The following PHACTR2 variants were observed in gnomAD, a reference collection of about 807,000 sequenced individuals.
The protein encoded by PHACTR2 is phosphatase and actin regulator 2, also known as chromosome 6 open reading frame 56.
PHACTR2 carries 30 observed loss-of-function variants against 76.0 expected under a neutral mutation model. The ratio of observed to expected loss-of-function variants is 0.39; its 90% CI spans 0.30 to 0.54. The LOEUF (loss-of-function observed/expected upper bound fraction) is 0.54, where lower values mean the gene tolerates loss of function less well. PHACTR2 is among the 20% of genes least tolerant of loss of function. PHACTR2 has a pLI of 0.61. For missense variants in PHACTR2, 696 were observed against 781.1 expected, an observed-to-expected ratio of 0.89 and a Z score of 1.30; for synonymous variants, 292 against 292.5, an observed-to-expected ratio of 1.00 and a Z score of 0.02.
chr6:143,646,867 G>T lies in PHACTR2; in HGVS notation c.13+38545G>T, dbSNP rs897722333. On this transcript the variant is annotated intron_variant, in intron 1 of 11. Coordinates refer to the PHACTR2 transcript ENST00000305766. This position sits in a 1 kb window ranked among gnomAD's most constrained non-coding sequence, Gnocchi z 4.1. ...GCTTAGTGTCTGAATAGCAGAGAACGTTTTCTCATCCTTAGTTATGTTTGT... is the reference window on the plus strand; with the variant it reads ...GCTTAGTGTCTGAATAGCAGAGAACTTTTTCTCATCCTTAGTTATGTTTGT... Among the ~76,000 whole-genome samples, 7 of 152,160 alleles carry T rather than the reference G, an allele frequency of 4.6e-5. No homozygotes were observed. In the South Asian group the frequency reaches 1.4e-3, roughly 32 times the overall value.
At chr6:143,575,074 C>CA (rs1248331021) in intron 1 of PHACTR2, among the ~76,000 whole-genome samples, 8 of 152,146 alleles carry the variant, frequency 5.3e-5, no homozygotes, top group Admixed American at 5.2e-4. Flanking sequence ...AGATGATAAA[C>CA]AAAAAATAGG....
At position 143,700,590 on chromosome 6, in the gene PHACTR2, G is replaced by A. The variant is rs1777886593; in HGVS notation, c.47-11426G>A. ...GGGGAGGGGGGGCGAGAGGAGAACT[G>A]TGATATTTCAGTATATTTTATTTCA... On this transcript the variant is annotated intron_variant, in intron 1 of 12. Coordinates refer to ENST00000440869, the MANE Select transcript of PHACTR2 (RefSeq NM_001100164.2). This position sits in a 1 kb window ranked among gnomAD's most constrained non-coding sequence, Gnocchi z 4.1. 6.6e-6 allele frequency among the ~76,000 whole-genome samples: 1 copy of A among 152,178 alleles called. No homozygotes were observed. The highest frequency in any genetic ancestry group is 2.4e-5 in the African/African-American group (1 of 41,440).
At chr6:143,559,690 C>CT (rs5880566) in intron 1 of PHACTR2, among the ~76,000 whole-genome samples, 12 of 31,900 alleles carry the variant, frequency 3.8e-4, no homozygotes, top group South Asian at 1.7e-3. Context: ...TTTTTCTTTT[C>CT]TTTTTTTTTT....
intron 1 of PHACTR2, among the ~76,000 whole-genome samples, chr6:143,666,909 T>C (rs929210064): frequency 6.6e-6 from 1 of 152,240 alleles, no homozygotes; most frequent in African/African-American, 2.4e-5. Context: ...ATTTTGGCTT[T>C]TGTTGCCATT....
At position 143,652,390 on chromosome 6, in the gene PHACTR2, CTGTT is replaced by C. The variant is rs112494577; in HGVS notation, c.13+44094_13+44097del. Among the ~76,000 whole-genome samples the C allele has an allele frequency of 4.1e-4, 62 of 151,994 alleles. 1 individual carries two copies. The highest frequency in any genetic ancestry group is 4.9e-4 in the Non-Finnish European group (33 of 68,008). On this transcript the variant is annotated intron_variant, in intron 1 of 11. Coordinates refer to the PHACTR2 transcript ENST00000305766. The surrounding 1 kb of genome is among the most constrained non-coding windows in gnomAD (Gnocchi z 4.5). ...CAGCTAGACAAAGGTACCTGCGCTGCTGTTTGTTTGTTTGTTTGTTTGTTTGTTT... is the reference window on the plus strand; with the variant it reads ...CAGCTAGACAAAGGTACCTGCGCTGCTGTTTGTTTGTTTGTTTGTTTGTTT...
chr6:143,778,475 T>C (rs939844114), intron 9 of PHACTR2, among the ~76,000 whole-genome samples: 3 of 145,976 alleles, frequency 2.1e-5, no homozygotes, highest in Non-Finnish European at 3.0e-5. Flanking sequence ...TTTTCTGGCT[T>C]TTTTTTTTTT....
rs1407480174 is a variant in PHACTR2 at position 143,591,846 on chromosome 6, G to T, written c.217+54639G>T. Among the ~76,000 whole-genome samples the T allele has an allele frequency of 1.3e-5, 2 of 152,160 alleles. No individual in the cohort carries two copies. The highest frequency in any genetic ancestry group is 4.8e-5 in the African/African-American group (2 of 41,434). On this transcript the variant is annotated intron_variant, in intron 1 of 11. Coordinates refer to the PHACTR2 transcript ENST00000367584. This position sits in a 1 kb window ranked among gnomAD's most constrained non-coding sequence, Gnocchi z 6.4. ...CTATGCCATGTTTTGGTTACTTTGG[G>T]CCCTAGAATTCCTGGCTCAAACAGG...
At chr6:143,560,586 G>T (rs1056306332) in intron 1 of PHACTR2, among the ~76,000 whole-genome samples, 18 of 152,306 alleles carry the variant, frequency 1.2e-4, no homozygotes, top group East Asian at 3.9e-4. Flanking sequence ...GCTTATTTTG[G>T]TGTAAACAGA....
chr6:143,830,744 T>C lies in PHACTR2; in HGVS notation c.*7055T>C, dbSNP rs2128489514. 1 of 152,350 alleles carries C rather than the reference T, an allele frequency of 6.6e-6. No homozygotes were observed. The highest frequency in any genetic ancestry group is 1.9e-4 in the East Asian group (1 of 5,196). 9.4% of individuals were successfully genotyped at this position (152,350 alleles called of 1,614,324 possible). On this transcript the variant is annotated 3_prime_UTR_variant, in exon 13 of 13. Coordinates refer to ENST00000440869, the MANE Select transcript of PHACTR2 (RefSeq NM_001100164.2). ...GCACAATTCCAAGTGCCTTAGAACA[T>C]TGTTTAGCTTTCCTAAGTATATATA...
At chr6:143,813,900 G>C (rs936136655) in intron 12 of PHACTR2, among the ~76,000 whole-genome samples, 1 of 152,094 alleles carries the variant, frequency 6.6e-6, no homozygotes, top group Non-Finnish European at 1.5e-5. Context: ...AAAAATACAC[G>C]TATAACTTTT....
In PHACTR2 at chr6:143,627,564, G is replaced by A. The variant is rs1776281261; in HGVS notation, c.13+19242G>A. Among the ~76,000 whole-genome samples, 2 of 151,080 alleles carry A rather than the reference G, an allele frequency of 1.3e-5. No individual in the cohort carries two copies. Among genetic ancestry groups the A allele is most frequent in the Non-Finnish European group, 2.9e-5 (2 of 67,886 alleles). On this transcript the variant is annotated intron_variant, in intron 1 of 11. Coordinates refer to the PHACTR2 transcript ENST00000305766. The surrounding 1 kb of genome is among the most constrained non-coding windows in gnomAD (Gnocchi z 4.3). ...TAACTATTTTGAAGTGTCCAATTCA[G>A]TGGCATTCAGTACATTCACAATGTT...
Position 143,581,551 on chromosome 6 carries a change from C to T in PHACTR2, c.217+44344C>T, listed in dbSNP as rs1043735437. Among the ~76,000 whole-genome samples the T allele has an allele frequency of 1.3e-5, 2 of 152,108 alleles. No homozygotes were observed. The highest frequency in any genetic ancestry group is 2.1e-4 in the South Asian group (1 of 4,812). ...TTTTCCACTGAAACAGGAGGAATGG[C>T]GGGAAGGATGAATGGATATGTGTAT... is the stretch of plus-strand genomic sequence containing the variant. On this transcript the variant is annotated intron_variant, in intron 1 of 11. Transcript: ENST00000367584. The surrounding 1 kb of genome is among the most constrained non-coding windows in gnomAD (Gnocchi z 4.5).
rs1037472016 is a variant in PHACTR2, at chr6:143,750,437, A to G, written c.295+1372A>G. ...AATAGAGAAATAATATACCCATTGAAAGCTTAACACTGGGCCATCAGCTTT... is the reference window on the plus strand; with the variant it reads ...AATAGAGAAATAATATACCCATTGAGAGCTTAACACTGGGCCATCAGCTTT... On this transcript the variant is annotated intron_variant, in intron 3 of 12. Coordinates refer to ENST00000440869, the MANE Select transcript of PHACTR2 (RefSeq NM_001100164.2). The surrounding 1 kb of genome is among the most constrained non-coding windows in gnomAD (Gnocchi z 4.6). 6.6e-6 allele frequency among the ~76,000 whole-genome samples: 1 copy of G among 152,190 alleles called. No homozygotes were observed. The highest frequency in any genetic ancestry group is 2.4e-5 in the African/African-American group (1 of 41,458).
rs754968655 is a variant in PHACTR2, at chr6:143,765,309, C to T, written c.743C>T (p.Ser248Leu). ...KKTTGSKASA[S>L]PSTSSTSSRP... ...ACAACTGGCTCTAAAGCATCAGCTT[C>T]GCCATCCACTTCATCCACCTCATCT... The change falls in exon 6 of 13, where the codon TCG (serine) becomes TTG (leucine). Residue 248 changes from serine (S) to leucine (L), a missense_variant. Physicochemically the swap from Ser to Leu is moderately radical, Grantham distance 145. Transcript: ENST00000440869. This position sits in a 1 kb window ranked among gnomAD's most constrained non-coding sequence, Gnocchi z 4.1. 1.3e-5 allele frequency: 21 copies of T among 1,614,032 alleles called. No homozygotes were observed. The highest frequency in any genetic ancestry group is 6.7e-5 in the East Asian group (3 of 44,894).
chr6:143,669,697 C>T (rs1316763534), intron 1 of PHACTR2, among the ~76,000 whole-genome samples: 1 of 143,802 alleles, frequency 7.0e-6, no homozygotes, highest in Non-Finnish European at 1.6e-5. Context: ...ATTGCAACCC[C>T]TGCTTTTTTT....
At chr6:143,638,238 C>T (rs1213807251) in intron 1 of PHACTR2, among the ~76,000 whole-genome samples, 1 of 152,092 alleles carries the variant, frequency 6.6e-6, no homozygotes, top group African/African-American at 2.4e-5. Context: ...ATCGCTATGG[C>T]TTAAAAAGAA....
upstream of PHACTR2, chr6:143,608,164 G>C (rs767537084): frequency 4.0e-6 from 3 of 753,582 alleles, no homozygotes; most frequent in Admixed American, 2.1e-5. This position sits in a 1 kb window ranked among gnomAD's most constrained non-coding sequence, Gnocchi z 4.6. Flanking sequence ...ATTTCCTGGC[G>C]GTGTCTCCTG....
At chr6:143,790,883 T>C (rs912110295) in intron 11 of PHACTR2, among the ~76,000 whole-genome samples, 2 of 152,194 alleles carry the variant, frequency 1.3e-5, no homozygotes, top group Admixed American at 6.5e-5. Context: ...TTCACCGTGT[T>C]AGCCAGGATG....
Position 143,709,349 on chromosome 6 carries a change from C to T in PHACTR2, c.47-2667C>T, listed in dbSNP as rs750688443. On this transcript the variant is annotated intron_variant, in intron 1 of 12. Transcript: ENST00000440869. The surrounding 1 kb of genome is among the most constrained non-coding windows in gnomAD (Gnocchi z 4.4). ...GTACCTGAAATTAGAGTAGACTTCA[C>T]TAGTGGAAGGAATAGGATTTATTCC... 2.0e-5 allele frequency among the ~76,000 whole-genome samples: 3 copies of T among 152,148 alleles called. No homozygotes were observed. Among genetic ancestry groups the T allele is most frequent in the African/African-American group, 4.8e-5 (2 of 41,440 alleles).
Sources: allele counts gnomAD v4.1 joint callset (sites outside exome capture counted in the v4.1 genomes callset), GRCh38; gene constraint gnomAD v4.1.1; non-coding constraint Gnocchi (gnomAD v3.1); transcripts MANE v1.5; gene names NCBI Gene and HGNC (gene_info 2026-07-23, HGNC 2026-07-21).